ITGAV: variants seen among roughly 807,000 people sequenced by gnomAD.
The protein encoded by ITGAV is integrin subunit alpha V.
In ITGAV, 76 loss-of-function variants were observed where a neutral mutation model predicts 143.8. The observed-to-expected ratio is 0.53, with a 90% CI of 0.44 to 0.64. The LOEUF is 0.64. Ranked by LOEUF, ITGAV falls within the 30% of genes least tolerant of loss-of-function variation. The probability of loss-of-function intolerance (pLI) is 0.00; values close to 1 mark genes in which losing one functional copy is unlikely to be tolerated. For missense variants in ITGAV, 1,193 were observed against 1,274.7 expected (o/e 0.94, Z 0.98); for synonymous variants, 453 against 446.7 (o/e 1.01, Z -0.18).
At chr2:186,650,589 A>C (rs561076985) in intron 14 of ITGAV, among the ~76,000 whole-genome samples, 143 of 149,426 alleles carry the variant, frequency 9.6e-4, no homozygotes, top group Admixed American at 2.4e-3. Flanking sequence ...TTTTTTGCCC[A>C]ATCTGGAGTA....
chr2:186,664,678 C>T (rs200436120), intron 20 of ITGAV, 37 bp downstream of exon 20: 211 of 1,612,396 alleles, frequency 1.3e-4, no homozygotes, highest in Admixed American at 6.7e-5. Flanking sequence ...GAAATGCACT[C>T]ACGGATCTTA....
At chr2:186,628,953 C>A (rs1346035954) in intron 4 of ITGAV, among the ~76,000 whole-genome samples, 1 of 151,956 alleles carries the variant, frequency 6.6e-6, no homozygotes, top group Non-Finnish European at 1.5e-5. Flanking sequence ...TTTCCCTAAG[C>A]ATCAGTTTCC....
At chr2:186,660,350 A>C (rs1688710859) in intron 18 of ITGAV, 1 of 151,994 alleles carries the variant, frequency 6.6e-6, no homozygotes, top group Admixed American at 6.6e-5. Flanking sequence ...ACCTATTCTC[A>C]TTCTTCATTG....
rs547573471 is a variant in ITGAV, at chr2:186,638,174, A to T, written c.803-103A>T. 23 of 919,622 alleles carry T rather than the reference A, an allele frequency of 2.5e-5. No individual in the cohort carries two copies. The African/African-American group carries it at 3.0e-4, about 12-fold the overall frequency. The allele number at this position is 919,622 out of a possible 1,614,324, so 57.0% of individuals were successfully genotyped here. On this transcript the variant is annotated intron_variant, in intron 8 of 29. Coordinates refer to ENST00000261023, the MANE Select transcript of ITGAV (RefSeq NM_002210.5). ...TTTCTAAATTGATTGTTTGTTTTGA[A>T]CTGAAGTAGTAAAACTTAAAGCTTG...
In ITGAV at chr2:186,613,073, C is replaced by G. The variant is rs186957739; in HGVS notation, c.317-9266C>G. 1.2e-4 allele frequency among the ~76,000 whole-genome samples: 18 copies of G among 150,396 alleles called. 1 individual carries two copies. In the East Asian group the frequency reaches 3.5e-3, roughly 30 times the overall value. ...TTTACTGAAACCAAACTCACAAGCT[C>G]TTTTAAAGTTTCTTCCTTTCCCTGC... On this transcript the variant is annotated intron_variant, in intron 2 of 29. Transcript: ENST00000261023.
intron 11 of ITGAV, 51 bp from the exon 12 acceptor site, chr2:186,641,335 C>T: frequency 6.9e-7 from 1 of 1,449,430 alleles, no homozygotes; most frequent in South Asian, 1.1e-5. Context: ...AAAATGCCTA[C>T]TAAGACATGA....
chr2:186,654,638 AT>A lies in ITGAV; in HGVS notation c.1506-7del. On this transcript the variant is annotated splice_polypyrimidine_tract_variant and intron_variant, in intron 15 of 29. Transcript: ENST00000261023. ...ATTATAGAATTTATGTATGTTTTTTATTTTTCCACAGTTTTAATGTTAGGTT... is the reference window on the plus strand; with the variant it reads ...ATTATAGAATTTATGTATGTTTTTTATTTTCCACAGTTTTAATGTTAGGTT... 2 of 1,433,034 alleles carry A rather than the reference AT, an allele frequency of 1.4e-6. No homozygotes were observed. Among genetic ancestry groups the A allele is most frequent in the Non-Finnish European group, 1.9e-6 (2 of 1,030,788 alleles). 88.8% of individuals were successfully genotyped at this position (1,433,034 alleles called of 1,614,324 possible). A position where few individuals can be genotyped will look rare whatever the true frequency, so the allele number is the denominator to read the frequency against.
chr2:186,634,094 G>A (rs896784030), intron 6 of ITGAV, among the ~76,000 whole-genome samples: 3 of 152,042 alleles, frequency 2.0e-5, no homozygotes, highest in Non-Finnish European at 4.4e-5. Flanking sequence ...TATTAAACTG[G>A]CATTGATATA....
intron 12 of ITGAV, 24 bp from the exon 13 acceptor site, chr2:186,646,662 C>T: frequency 6.5e-7 from 1 of 1,540,736 alleles, no homozygotes; most frequent in Non-Finnish European, 8.9e-7. Context: ...ATTCTCCTTC[C>T]CCCTCCTCTT....
At chr2:186,630,691 A>C in intron 4 of ITGAV, 106 bp from the exon 5 acceptor site, 2 of 645,826 alleles carry the variant, frequency 3.1e-6, no homozygotes, top group South Asian at 4.2e-5. Context: ...CCACTCTCAA[A>C]AATTGGTACA....
chr2:186,596,609 G>A (rs2105647620), intron 1 of ITGAV, among the ~76,000 whole-genome samples: 1 of 152,162 alleles, frequency 6.6e-6, no homozygotes, highest in East Asian at 1.9e-4. Flanking sequence ...ATGTTGGCCA[G>A]GCTGGTTTTG....
At chr2:186,613,648 A>G (rs1170363525) in intron 2 of ITGAV, among the ~76,000 whole-genome samples, 1 of 152,184 alleles carries the variant, frequency 6.6e-6, no homozygotes, top group East Asian at 1.9e-4. Flanking sequence ...TTAAGTCAAT[A>G]CAGGTAAGTT....
At chr2:186,615,995 T>C (rs2105676050) in intron 2 of ITGAV, among the ~76,000 whole-genome samples, 2 of 152,226 alleles carry the variant, frequency 1.3e-5, no homozygotes, top group Middle Eastern at 3.4e-3. Flanking sequence ...GAGGTATGGT[T>C]CCAAATTATT....
At chr2:186,590,599 A>T in intron 1 of ITGAV, 76 bp downstream of exon 1, 1 of 1,365,496 alleles carries the variant, frequency 7.3e-7, no homozygotes, top group Non-Finnish European at 1.0e-6. Context: ...CTCCATTGGG[A>T]TTGATTTCCG....
Position 186,638,542 on chromosome 2 carries a change from A to G in ITGAV, c.903+77A>G, listed in dbSNP as rs980958181. 14 of 1,071,964 alleles carry G rather than the reference A, an allele frequency of 1.3e-5. No homozygotes were observed. In the Admixed American group the frequency reaches 1.6e-4, roughly 12 times the overall value. 66.4% of individuals were successfully genotyped at this position (1,071,964 alleles called of 1,614,324 possible). A position where few individuals can be genotyped will look rare whatever the true frequency, so the allele number is the denominator to read the frequency against. On this transcript the variant is annotated intron_variant, in intron 10 of 29. Transcript: ENST00000261023. The stretch of plus-strand genomic sequence containing the variant: ...TCATTGGAGAAAATTTGCGAAATAA[A>G]ACTGTAAAAATGAACTATAATCTCA...
chr2:186,599,950 C>T (rs549671569), intron 1 of ITGAV, among the ~76,000 whole-genome samples: 64 of 152,332 alleles, frequency 4.2e-4, no homozygotes, highest in African/African-American at 1.5e-3. Flanking sequence ...CCCTGAGCTG[C>T]GGCCAGTCCT....
chr2:186,680,164 A>T lies in ITGAV; in HGVS notation c.*2872A>T, dbSNP rs1689315336. On this transcript the variant is annotated 3_prime_UTR_variant, in exon 30 of 30. Transcript: ENST00000261023. ...GTTCTTGGAATACCTATGTGCAGCC[A>T]CTACCCATCTCAATGTCACCTTGTT... 1 of 152,156 alleles carries T rather than the reference A, an allele frequency of 6.6e-6. No homozygotes were observed. The highest frequency in any genetic ancestry group is 1.5e-5 in the Non-Finnish European group (1 of 67,972). 9.4% of individuals were successfully genotyped at this position (152,156 alleles called of 1,614,324 possible). A position where few individuals can be genotyped will look rare whatever the true frequency, so the allele number is the denominator to read the frequency against.
At chr2:186,611,749 G>A (rs1380440158) in intron 2 of ITGAV, among the ~76,000 whole-genome samples, 4 of 152,066 alleles carry the variant, frequency 2.6e-5, no homozygotes. Flanking sequence ...CTACCTCTCA[G>A]GGTTGCCATG....
chr2:186,644,879 G>A (rs149896035), intron 12 of ITGAV, among the ~76,000 whole-genome samples: 1,555 of 152,088 alleles, frequency 0.01, 95 homozygotes, highest in Admixed American at 0.094. Context: ...AGGCTTAATG[G>A]TCTCATATAA....
Sources: allele counts gnomAD v4.1 joint callset (sites outside exome capture counted in the v4.1 genomes callset), GRCh38; gene constraint gnomAD v4.1.1; transcripts MANE v1.5; gene names NCBI Gene and HGNC (gene_info 2026-07-23, HGNC 2026-07-21).